ULBP1: variants seen among roughly 807,000 people sequenced by gnomAD.
ULBP1 encodes UL16 binding protein 1.
Under a neutral mutation model 25.3 loss-of-function variants are expected in ULBP1, and 28 were observed. The ratio of observed to expected loss-of-function variants is 1.10; its 90% CI spans 0.82 to 1.51. The LOEUF (loss-of-function observed/expected upper bound fraction) is 1.51, where lower values mean the gene tolerates loss of function less well. Ranked by LOEUF, ULBP1 falls within the 40% of genes most tolerant of loss-of-function variation. The probability of loss-of-function intolerance (pLI) is 0.00; values close to 1 mark genes in which losing one functional copy is unlikely to be tolerated. For missense variants in ULBP1, 348 were observed against 290.9 expected, an observed-to-expected ratio of 1.20 and a Z score of -1.43; for synonymous variants, 129 against 103.0, an observed-to-expected ratio of 1.25 and a Z score of -1.53.
intron 4 of ULBP1, among the ~76,000 whole-genome samples, chr6:149,970,948 G>A (rs575982353): frequency 1.0e-3 from 155 of 152,356 alleles, no homozygotes; most frequent in African/African-American, 3.5e-3. Context: ...AGCTATGGGT[G>A]CAGCTCCCAG....
intron 3 of ULBP1, among the ~76,000 whole-genome samples, 173 bp downstream of exon 3, chr6:149,969,533 C>T (rs781667077): frequency 2.0e-5 from 3 of 152,162 alleles, no homozygotes; most frequent in Non-Finnish European, 2.9e-5. Context: ...CCTCTCCCTT[C>T]TTCCCCCTGA....
rs115242232 is a variant in ULBP1 at position 149,971,153 on chromosome 6, C to A, written c.*23-216C>A. Among the ~76,000 whole-genome samples the A allele has an allele frequency of 3.8e-3, 583 of 152,282 alleles. 2 individuals are homozygous for A. The highest frequency in any genetic ancestry group is 0.014 in the African/African-American group (562 of 41,542). On this transcript the variant is annotated intron_variant, in intron 4 of 4. Coordinates refer to ENST00000229708, the MANE Select transcript of ULBP1 (RefSeq NM_025218.4). ...ATTACCAGCCTCAGTTGTGAGCCCCCCTGGGCTGTAACAGGACCTGGGCTG... is the reference window on the plus strand; with the variant it reads ...ATTACCAGCCTCAGTTGTGAGCCCCACTGGGCTGTAACAGGACCTGGGCTG...
At chr6:149,970,186 T>G in intron 4 of ULBP1, 39 bp downstream of exon 4, 1 of 1,540,450 alleles carries the variant, frequency 6.5e-7, no homozygotes, top group East Asian at 2.4e-5. Flanking sequence ...AAGAGGCAGA[T>G]GGGTGAGATG....
rs1779258517 is a variant in ULBP1, at chr6:149,969,082, C to A, written c.350-3C>A. 1 of 1,613,802 alleles carries A rather than the reference C, an allele frequency of 6.2e-7. No individual in the cohort carries two copies. The highest frequency in any genetic ancestry group is 1.3e-5 in the African/African-American group (1 of 74,920). ...CAGAGCTGATCTCTTTGCAATGGGGCAGAGCCCCTCACCCTGCAGGCCAGG... is the reference window on the plus strand; with the variant it reads ...CAGAGCTGATCTCTTTGCAATGGGGAAGAGCCCCTCACCCTGCAGGCCAGG... On this transcript the variant is annotated splice_region_variant and splice_polypyrimidine_tract_variant and intron_variant, in intron 2 of 4. Coordinates refer to ENST00000229708, the MANE Select transcript of ULBP1 (RefSeq NM_025218.4).
At position 149,971,535 on chromosome 6, in the gene ULBP1, T is replaced by C; in HGVS notation, c.*189T>C. 3.1e-6 allele frequency: 1 copy of C among 325,392 alleles called. No individual in the cohort carries two copies. Among genetic ancestry groups the C allele is most frequent in the Non-Finnish European group, 4.4e-6 (1 of 228,336 alleles). 20.2% of individuals were successfully genotyped at this position (325,392 alleles called of 1,614,324 possible). A position where few individuals can be genotyped will look rare whatever the true frequency, so the allele number is the denominator to read the frequency against. Reference sequence around the variant, plus strand: ...CGATGAGGACATTGTCGGCTCAACATCTCAGGCCACTCATTACCTTCGCTC... The same window carrying C: ...CGATGAGGACATTGTCGGCTCAACACCTCAGGCCACTCATTACCTTCGCTC... On this transcript the variant is annotated 3_prime_UTR_variant, in exon 5 of 5. Transcript: ENST00000229708.
chr6:149,968,913 A>T, intron 2 of ULBP1, 43 bp downstream of exon 2: 1 of 1,584,400 alleles, frequency 6.3e-7, no homozygotes, highest in Non-Finnish European at 8.6e-7. Context: ...GTAGTAACTT[A>T]GAGTCATTTA....
chr6:149,964,426 C>T (rs1352131220), intron 1 of ULBP1, among the ~76,000 whole-genome samples: 2 of 150,976 alleles, frequency 1.3e-5, no homozygotes, highest in Admixed American at 1.3e-4. Flanking sequence ...TCCTTTCCGC[C>T]GGGTCCGCTT....
intron 4 of ULBP1, 72 bp downstream of exon 4, chr6:149,970,219 C>T (rs1250343642): frequency 6.7e-7 from 1 of 1,500,280 alleles, no homozygotes; most frequent in Non-Finnish European, 8.9e-7. Flanking sequence ...AGGAGAATTC[C>T]CAGAGTCCCA....
intron 1 of ULBP1, among the ~76,000 whole-genome samples, chr6:149,966,405 T>A (rs1044555002): frequency 1.3e-5 from 2 of 151,910 alleles, no homozygotes; most frequent in Non-Finnish European, 2.9e-5. Context: ...GGCTTCTGGG[T>A]GGTGTGGATG....
Position 149,964,004 on chromosome 6 carries a change from G to A in ULBP1, c.-46G>A. 6.2e-7 allele frequency: 1 copy of A among 1,601,378 alleles called. No homozygotes were observed. ...TATAAACAGCCGTGGTGTGAGCCTC[G>A]AAGGGAACCATCAGCGCCTCCTGTC... On this transcript the variant is annotated 5_prime_UTR_variant, in exon 1 of 5. Transcript: ENST00000229708.
intron 1 of ULBP1, among the ~76,000 whole-genome samples, chr6:149,966,116 G>A (rs1779201279): frequency 6.6e-6 from 1 of 152,120 alleles, no homozygotes; most frequent in Non-Finnish European, 1.5e-5. Context: ...AAGCAGACAG[G>A]AGTCAGCAAA....
Position 149,970,034 on chromosome 6 carries a change from C to T in ULBP1, c.644C>T (p.Pro215Leu). ...LDPTKPPSLAPGTTQPKAMAT... is the reference protein window; with the variant it reads ...LDPTKPPSLALGTTQPKAMAT... ...ATTTCAGAACCACCCTCTCTGGCCC[C>T]AGGCACAACCCAACCCAAGGCCATG... Residue 215 changes from proline (P) to leucine (L), a missense_variant, in exon 4 of 5, where the codon CCA becomes CTA. Transcript: ENST00000229708. The T allele has an allele frequency of 6.2e-7, 1 of 1,613,074 alleles. No individual in the cohort carries two copies. Among genetic ancestry groups the T allele is most frequent in the Non-Finnish European group, 8.5e-7 (1 of 1,179,606 alleles).
chr6:149,968,935 T>C (rs767057655), intron 2 of ULBP1, 65 bp downstream of exon 2: 1 of 1,563,136 alleles, frequency 6.4e-7, no homozygotes, highest in East Asian at 2.2e-5. Flanking sequence ...TGATTTCATA[T>C]GAAAAATAAA....
rs115763292 is a variant in ULBP1, at chr6:149,968,486, T to C, written c.86-121T>C. On this transcript the variant is annotated intron_variant, in intron 1 of 4. Transcript: ENST00000229708. ...TTTCATGACAGTCCTGGCTGGGGCA[T>C]GTCTTGGTCTGCCAGCCCAGCCCCT... is the stretch of plus-strand genomic sequence containing the variant. The C allele has an allele frequency of 1.0e-3, 1,317 of 1,309,892 alleles. 13 individuals carry two copies. In the African/African-American group the frequency reaches 0.017, roughly 17 times the overall value. The allele number at this position is 1,309,892 out of a possible 1,614,324, so 81.1% of individuals were successfully genotyped here.
rs1275584986 is a variant in ULBP1, at chr6:149,973,407, C to T, written c.*2061C>T. On this transcript the variant is annotated 3_prime_UTR_variant, in exon 5 of 5. Transcript: ENST00000229708. ...CGATGGGATCATTGGGACACCAAGCCTCAGCTTCTCAAATTCTACCCATGT... is the reference window on the plus strand; with the variant it reads ...CGATGGGATCATTGGGACACCAAGCTTCAGCTTCTCAAATTCTACCCATGT... 6.6e-6 allele frequency: 1 copy of T among 152,166 alleles called. No homozygotes were observed. The allele number at this position is 152,166 out of a possible 1,614,324, so 9.4% of individuals were successfully genotyped here.
chr6:149,964,065 A>T lies in ULBP1; in HGVS notation c.16A>T (p.Ser6Cys), dbSNP rs747665989. The T allele has an allele frequency of 1.2e-6, 2 of 1,614,150 alleles. No homozygotes were observed. Among genetic ancestry groups the T allele is most frequent in the Admixed American group, 1.7e-5 (1 of 60,028 alleles). The change falls in exon 1 of 5, where the codon AGC (serine) becomes TGC (cysteine). Residue 6 changes from serine (S) to cysteine (C), a missense_variant. Transcript: ENST00000229708. ...CAGGTCTACAATGGCAGCGGCCGCC[A>T]GCCCCGCGTTCCTTCTGTGCCTCCC... MAAAA[S>C]PAFLLCLPLL...
intron 1 of ULBP1, among the ~76,000 whole-genome samples, chr6:149,965,123 C>CCA: frequency 6.8e-6 from 1 of 146,660 alleles, no homozygotes; most frequent in African/African-American, 2.6e-5. Flanking sequence ...GCGGCCTCCC[C>CCA]GAACATCGCG....
At chr6:149,965,015 C>T (rs1013595605) in intron 1 of ULBP1, among the ~76,000 whole-genome samples, 1 of 151,100 alleles carries the variant, frequency 6.6e-6, no homozygotes, top group African/African-American at 2.4e-5. Context: ...TCCTTTCCTC[C>T]GGGTCCGCTT....
intron 1 of ULBP1, among the ~76,000 whole-genome samples, chr6:149,965,085 C>G (rs1779178412): frequency 6.7e-6 from 1 of 149,414 alleles, no homozygotes; most frequent in Admixed American, 6.7e-5. Flanking sequence ...GCGCGATCTC[C>G]CCGAATATCG....
Sources: allele counts gnomAD v4.1 joint callset (sites outside exome capture counted in the v4.1 genomes callset), GRCh38; gene constraint gnomAD v4.1.1; transcripts MANE v1.5; gene names NCBI Gene and HGNC (gene_info 2026-07-23, HGNC 2026-07-21).